Variants in TMEM87A observed in about 807,000 individuals in gnomAD.
TMEM87A encodes transmembrane protein 87A, also known as Golgi-pH regulating cation channel.
In TMEM87A, 50 loss-of-function variants were observed where a neutral mutation model predicts 90.0. That is an observed-to-expected ratio of 0.56 (90% CI 0.44 to 0.70). TMEM87A has a LOEUF of 0.70. Ranked by LOEUF, TMEM87A falls within the 30% of genes least tolerant of loss-of-function variation. The pLI, the probability that TMEM87A is intolerant of heterozygous loss-of-function variation, is 0.00. For synonymous variants in TMEM87A, 226 were observed against 226.7 expected, an observed-to-expected ratio of 1.00 and a Z score of 0.03; for missense variants, 577 against 660.5, an observed-to-expected ratio of 0.87 and a Z score of 1.39.
chr15:42,261,966 G>A (rs1255183425), intron 4 of TMEM87A, among the ~76,000 whole-genome samples: 1 of 152,168 alleles, frequency 6.6e-6, no homozygotes, highest in African/African-American at 2.4e-5. Flanking sequence ...TAGGTCTGCT[G>A]TCCCTTCCAC....
chr15:42,219,070 CTTG>C, intron 17 of TMEM87A: 1 of 154,790 alleles, frequency 6.5e-6, no homozygotes, highest in African/African-American at 2.4e-5. Flanking sequence ...CTTGCCAACA[CTTG>C]TTATTTCTTC....
intron 2 of TMEM87A, among the ~76,000 whole-genome samples, chr15:42,270,713 A>G (rs2140995350): frequency 6.6e-6 from 1 of 152,368 alleles, no homozygotes; most frequent in African/African-American, 2.4e-5. Context: ...CTATTCCAAA[A>G]GACAAGGGTT....
chr15:42,261,059 C>T, intron 5 of TMEM87A, 57 bp from the exon 6 acceptor site: 1 of 1,566,928 alleles, frequency 6.4e-7, no homozygotes, highest in Non-Finnish European at 8.7e-7. Context: ...TTTTAGCTGC[C>T]CAAGTTCCTG....
chr15:42,242,092 AAAAG>A (rs1446854472), intron 7 of TMEM87A, among the ~76,000 whole-genome samples: 242 of 151,732 alleles, frequency 1.6e-3, no homozygotes, highest in Non-Finnish European at 1.7e-3. Context: ...AAAAAAAAGA[AAAAG>A]AAAAAAACAA....
Position 42,241,073 on chromosome 15 carries a change from G to A in TMEM87A, c.623-1342C>T, listed in dbSNP as rs747000177. Reference sequence around the variant, plus strand: ...TCTACAGCTGCCTCTGCACCACCTCGCAGAGTTGGGTAGTTATAATAGAGA... The same window carrying A: ...TCTACAGCTGCCTCTGCACCACCTCACAGAGTTGGGTAGTTATAATAGAGA... On this transcript the variant is annotated intron_variant, in intron 7 of 19. Transcript: ENST00000389834. Among the ~76,000 whole-genome samples, 34 of 152,252 alleles carry A rather than the reference G, an allele frequency of 2.2e-4. 1 individual carries two copies. The highest frequency in any genetic ancestry group is 7.2e-4 in the African/African-American group (30 of 41,546).
chr15:42,258,975 A>G, intron 6 of TMEM87A: 1 of 919,536 alleles, frequency 1.1e-6, no homozygotes, highest in South Asian at 1.4e-5. Flanking sequence ...TGTTTCTTCA[A>G]GAAAGGCATC....
rs1015056039 is a variant in TMEM87A, at chr15:42,236,432, A to G, written c.869-13T>C. The G allele has an allele frequency of 6.2e-7, 1 of 1,612,760 alleles. No individual in the cohort carries two copies. The highest frequency in any genetic ancestry group is 1.3e-5 in the African/African-American group (1 of 74,898). ...AAAGCACCCTGGACTATGAAAAAGA[A>G]GGGAAGAAATGGCACCATAATCTAG... On this transcript the variant is annotated splice_polypyrimidine_tract_variant and intron_variant, in intron 9 of 19. Transcript: ENST00000389834.
chr15:42,212,016 G>GAC (rs370352289), intron 19 of TMEM87A, among the ~76,000 whole-genome samples: 11,961 of 152,120 alleles, frequency 0.079, 1,269 homozygotes, highest in African/African-American at 0.22. Flanking sequence ...AAGATCTTAT[G>GAC]TAAACAAATA....
At chr15:42,263,772 G>A (rs1279539293) in intron 4 of TMEM87A, among the ~76,000 whole-genome samples, 3 of 152,050 alleles carry the variant, frequency 2.0e-5, no homozygotes, top group Non-Finnish European at 2.9e-5. Flanking sequence ...TACTGGAGAT[G>A]GGTCGATGGC....
intron 6 of TMEM87A, among the ~76,000 whole-genome samples, chr15:42,255,886 C>T (rs1199980986): frequency 6.6e-6 from 1 of 151,754 alleles, no homozygotes; most frequent in African/African-American, 2.4e-5. Flanking sequence ...CCTCCCACCT[C>T]AGCCTCCCAA....
intron 6 of TMEM87A, among the ~76,000 whole-genome samples, chr15:42,259,705 G>GCAGGGCTGTGCACACATGCC (rs971661387): frequency 3.3e-5 from 5 of 152,160 alleles, no homozygotes; most frequent in Non-Finnish European, 4.4e-5. Context: ...GGCCATATGT[G>GCAGGGCTGTGCACACATGCC]CAGGGCTGTG....
In TMEM87A at chr15:42,244,094, G is replaced by A. The variant is rs753442533; in HGVS notation, c.578C>T (p.Ser193Leu). ...IFIVHIGISS[S>L]KESSKENSLS... ...TGAATTTTCTTTTGATGATTCCTTT[G>A]AGGATGAAATGCCAATATGTACAAT... The change falls in exon 7 of 20, where the codon TCA (serine) becomes TTA (leucine). Residue 193 changes from serine (S) to leucine (L), a missense_variant. Physicochemically the swap from Ser to Leu is moderately radical, Grantham distance 145 (BLOSUM62 -2). Coordinates refer to ENST00000389834, the MANE Select transcript of TMEM87A (RefSeq NM_015497.5). 5.7e-6 allele frequency: 9 copies of A among 1,576,808 alleles called. No homozygotes were observed. In the South Asian group the frequency reaches 1.1e-4, roughly 19 times the overall value.
Position 42,233,246 on chromosome 15 carries a change from G to T in TMEM87A, c.1029C>A (p.Phe343Leu). Residue 343 changes from phenylalanine to leucine, a missense_variant, in exon 11 of 20, where the codon TTC (phenylalanine) becomes TTA (leucine). Transcript: ENST00000389834. ...VVVAGALYLL[F>L]SGMEGVLRVT... ...CTCTGAGGACCCCTTCCATGCCAGA[G>T]AACAAAAGATAGAGGGCTCCTGCTA... 1 of 1,613,982 alleles carries T rather than the reference G, an allele frequency of 6.2e-7. No homozygotes were observed. Among genetic ancestry groups the T allele is most frequent in the Non-Finnish European group, 8.5e-7 (1 of 1,179,972 alleles).
intron 2 of TMEM87A, among the ~76,000 whole-genome samples, chr15:42,269,733 G>A (rs1000374153): frequency 3.3e-5 from 5 of 150,844 alleles, no homozygotes; most frequent in South Asian, 2.1e-4. Flanking sequence ...TCAGGAGATC[G>A]AGACCATCCT....
At chr15:42,265,702 A>G (rs1266591598) in intron 3 of TMEM87A, among the ~76,000 whole-genome samples, 1 of 152,186 alleles carries the variant, frequency 6.6e-6, no homozygotes, top group Non-Finnish European at 1.5e-5. Context: ...CTTAAACTTA[A>G]TTAGATCCCA....
chr15:42,239,850 C>T, intron 7 of TMEM87A, 119 bp from the exon 8 acceptor site: 1 of 839,672 alleles, frequency 1.2e-6, no homozygotes, highest in Non-Finnish European at 2.0e-6. Context: ...CTTTTAGGCA[C>T]TTCAATCCTG....
At chr15:42,252,519 G>T (rs532409787) in intron 6 of TMEM87A, among the ~76,000 whole-genome samples, 2 of 152,140 alleles carry the variant, frequency 1.3e-5, no homozygotes, top group Admixed American at 1.3e-4. Flanking sequence ...ATCAAATTTG[G>T]TAAGTTTCTG....
intron 7 of TMEM87A, 85 bp from the exon 8 acceptor site, chr15:42,239,816 G>GT: frequency 8.6e-7 from 1 of 1,157,090 alleles, no homozygotes; most frequent in Non-Finnish European, 1.3e-6. Flanking sequence ...AATGAACTTA[G>GT]TAAGAATTTC....
At position 42,220,145 on chromosome 15, in the gene TMEM87A, C is replaced by T. The variant is rs925344583; in HGVS notation, c.1404-10G>A. 2 of 1,586,252 alleles carry T rather than the reference C, an allele frequency of 1.3e-6. No individual in the cohort carries two copies. The highest frequency in any genetic ancestry group is 1.4e-5 in the African/African-American group (1 of 73,214). ...TGGTGAAAAGGCAAACCTAACAGAA[C>T]CAAAGTGAACAGAAGGAAAAAATTA... is the stretch of plus-strand genomic sequence containing the variant. On this transcript the variant is annotated splice_polypyrimidine_tract_variant and intron_variant, in intron 15 of 19. Transcript: ENST00000389834.
Sources: gnomAD v4.1 joint callset for allele counts (sites outside exome capture counted in the v4.1 genomes callset) on GRCh38, gnomAD v4.1.1 for gene constraint, MANE v1.5 for transcripts, NCBI Gene and HGNC (gene_info 2026-07-23, HGNC 2026-07-21) for gene names.